Variants in HS3ST3A1 observed in about 807,000 individuals in gnomAD.
HS3ST3A1 encodes the protein heparan sulfate-glucosamine 3-sulfotransferase 3A1.
A neutral mutation model predicts 25.7 loss-of-function variants in HS3ST3A1; 19 were observed. That is an observed-to-expected ratio of 0.74 (90% confidence interval 0.52 to 1.08). HS3ST3A1 has a LOEUF of 1.08. Among genes scored for constraint, HS3ST3A1 ranks in the 50% least tolerant of loss-of-function variants. The pLI, the probability that HS3ST3A1 is intolerant of heterozygous loss-of-function variation, is 0.00. For synonymous variants in HS3ST3A1, 226 were observed against 278.6 expected, an observed-to-expected ratio of 0.81 and a Z score of 1.88; for missense variants, 459 against 594.3, an observed-to-expected ratio of 0.77 and a Z score of 2.37.
At chr17:13,528,454 A>T (rs1427577926) in intron 1 of HS3ST3A1, among the ~76,000 whole-genome samples, 1 of 152,208 alleles carries the variant, frequency 6.6e-6, no homozygotes, top group East Asian at 1.9e-4. Flanking sequence ...TAGTGGAACA[A>T]GGTGGTGACA....
chr17:13,511,160 C>T (rs1905847405), intron 1 of HS3ST3A1, among the ~76,000 whole-genome samples: 1 of 152,146 alleles, frequency 6.6e-6, no homozygotes. Context: ...TTTGGTAGTT[C>T]CCACAAATTG....
At chr17:13,536,358 T>A (rs1906770390) in intron 1 of HS3ST3A1, among the ~76,000 whole-genome samples, 1 of 152,228 alleles carries the variant, frequency 6.6e-6, no homozygotes, top group Admixed American at 6.5e-5. Flanking sequence ...GGAATGGACT[T>A]GATTTTCTTT....
At chr17:13,542,865 G>C (rs1906975266) in intron 1 of HS3ST3A1, among the ~76,000 whole-genome samples, 1 of 152,084 alleles carries the variant, frequency 6.6e-6, no homozygotes, top group African/African-American at 2.4e-5. Flanking sequence ...GGGGTGGAAA[G>C]AGGAGCTGAA....
chr17:13,551,773 C>T (rs572568274), intron 1 of HS3ST3A1, among the ~76,000 whole-genome samples: 1 of 152,276 alleles, frequency 6.6e-6, no homozygotes, highest in South Asian at 2.1e-4. Flanking sequence ...GTCCAATGAC[C>T]TCCTGTGTGC....
intron 1 of HS3ST3A1, among the ~76,000 whole-genome samples, chr17:13,583,121 C>T (rs1156236215): frequency 1.3e-5 from 2 of 152,184 alleles, no homozygotes; most frequent in African/African-American, 2.4e-5. Flanking sequence ...AAGATACAAA[C>T]ATTTCGGCAT....
intron 1 of HS3ST3A1, among the ~76,000 whole-genome samples, chr17:13,508,942 T>C (rs1408713523): frequency 6.6e-6 from 1 of 151,910 alleles, no homozygotes; most frequent in African/African-American, 2.4e-5. Context: ...ATTTCCTACT[T>C]TGAGGGTAAG....
intron 1 of HS3ST3A1, among the ~76,000 whole-genome samples, chr17:13,596,418 TACACACACACACACACACACAC>T (rs10535139): frequency 4.1e-5 from 6 of 146,330 alleles, no homozygotes; most frequent in Admixed American, 6.8e-5. Context: ...TGCGCGTGCG[TACACACACACACACACACACAC>T]ACACACACAG....
chr17:13,547,216 TA>T (rs1275479214), intron 1 of HS3ST3A1, among the ~76,000 whole-genome samples: 1 of 152,006 alleles, frequency 6.6e-6, no homozygotes, highest in Non-Finnish European at 1.5e-5. Flanking sequence ...CTGTGATCAT[TA>T]AAAAAAATTT....
intron 1 of HS3ST3A1, among the ~76,000 whole-genome samples, chr17:13,529,376 C>T (rs1906532336): frequency 6.6e-6 from 1 of 152,092 alleles, no homozygotes; most frequent in Non-Finnish European, 1.5e-5. Context: ...AAATAACTTC[C>T]TTAAGCCCAT....
At chr17:13,533,277 C>G (rs79731018) in intron 1 of HS3ST3A1, among the ~76,000 whole-genome samples, 1 of 151,892 alleles carries the variant, frequency 6.6e-6, no homozygotes, top group Non-Finnish European at 1.5e-5. Flanking sequence ...AGGAAAGAAA[C>G]GAATATTTAA....
At chr17:13,570,804 T>G (rs1907784649) in intron 1 of HS3ST3A1, among the ~76,000 whole-genome samples, 2 of 152,218 alleles carry the variant, frequency 1.3e-5, no homozygotes, top group South Asian at 4.1e-4. Context: ...AATCAAAATA[T>G]CCATGTATTT....
chr17:13,566,814 A>G (rs1002635025), intron 1 of HS3ST3A1, among the ~76,000 whole-genome samples: 3 of 152,178 alleles, frequency 2.0e-5, no homozygotes, highest in Non-Finnish European at 4.4e-5. Flanking sequence ...AAAAAGTGTG[A>G]AGTTAGCAGA....
chr17:13,512,375 G>A (rs1165405522), intron 1 of HS3ST3A1, among the ~76,000 whole-genome samples: 1 of 150,566 alleles, frequency 6.6e-6, no homozygotes, highest in Non-Finnish European at 1.5e-5. Context: ...CAAATCTATA[G>A]TGACAGAAAG....
chr17:13,564,328 A>G (rs1454993298), intron 1 of HS3ST3A1, among the ~76,000 whole-genome samples: 3 of 152,174 alleles, frequency 2.0e-5, no homozygotes, highest in Admixed American at 6.5e-5. Context: ...AAATTATCCA[A>G]TCTGAGACTC....
intron 1 of HS3ST3A1, among the ~76,000 whole-genome samples, chr17:13,580,718 T>C (rs1908088452): frequency 6.6e-6 from 1 of 151,728 alleles, no homozygotes. Context: ...ATGGAGAAAC[T>C]CCATCTCTAC....
At chr17:13,565,389 C>T (rs11652854) in intron 1 of HS3ST3A1, among the ~76,000 whole-genome samples, 51,949 of 151,732 alleles carry the variant, frequency 0.34, 10,620 homozygotes, top group East Asian at 0.51. Flanking sequence ...AAAATTAGCT[C>T]GGCATGGTGG....
chr17:13,539,236 G>A lies in HS3ST3A1; in HGVS notation c.600-42418C>T, dbSNP rs113106605. ...CTGGAGTTGGCACAACATTGCTGCT[G>A]CCACATTCTAGTAGCTGATGCAAAT... On this transcript the variant is annotated intron_variant, in intron 1 of 1. Coordinates refer to ENST00000284110, the MANE Select transcript of HS3ST3A1 (RefSeq NM_006042.3). Among the ~76,000 whole-genome samples the A allele has an allele frequency of 2.1e-3, 326 of 152,310 alleles. 3 individuals carry two copies. The highest frequency in any genetic ancestry group is 7.6e-3 in the African/African-American group (314 of 41,570).
At chr17:13,586,766 A>T (rs1214605390) in intron 1 of HS3ST3A1, among the ~76,000 whole-genome samples, 2 of 146,184 alleles carry the variant, frequency 1.4e-5, no homozygotes, top group African/African-American at 5.1e-5. Context: ...GCTACTGGGG[A>T]GGCTGAGGCA....
chr17:13,547,803 TA>T (rs1907127674), intron 1 of HS3ST3A1, among the ~76,000 whole-genome samples: 1 of 152,066 alleles, frequency 6.6e-6, no homozygotes, highest in Non-Finnish European at 1.5e-5. Flanking sequence ...TAGCATCTGA[TA>T]TGGGGCAGCC....
Sources: allele counts gnomAD v4.1 joint callset (sites outside exome capture counted in the v4.1 genomes callset), GRCh38; gene constraint gnomAD v4.1.1; transcripts MANE v1.5; gene names NCBI Gene and HGNC (gene_info 2026-07-23, HGNC 2026-07-21).